The following LDLRAD4 variants were observed in gnomAD, a reference collection of about 807,000 sequenced individuals.
LDLRAD4 encodes the protein low-density lipoprotein receptor class A domain-containing protein 4.
LDLRAD4 carries 5 observed loss-of-function variants against 17.0 expected under a neutral mutation model. The ratio of observed to expected loss-of-function variants is 0.29; its 90% CI spans 0.15 to 0.62. The LOEUF is 0.62. Ranked by LOEUF, LDLRAD4 falls within the 20% of genes least tolerant of loss-of-function variation. The pLI is 0.84. For synonymous variants in LDLRAD4, 168 were observed against 171.8 expected, an observed-to-expected ratio of 0.98 and a Z score of 0.17; for missense variants, 340 against 424.7, an observed-to-expected ratio of 0.80 and a Z score of 1.75.
At chr18:13,410,819 G>A (rs1039492742) in intron 2 of LDLRAD4, among the ~76,000 whole-genome samples, 1 of 152,192 alleles carries the variant, frequency 6.6e-6, no homozygotes, top group Non-Finnish European at 1.5e-5. Flanking sequence ...TCAGTGGATG[G>A]CTTTTTGTTA....
At chr18:13,264,117 C>T (rs1422351238) in intron 1 of LDLRAD4, among the ~76,000 whole-genome samples, 1 of 152,212 alleles carries the variant, frequency 6.6e-6, no homozygotes, top group African/African-American at 2.4e-5. Context: ...TGGGCCCCAC[C>T]TGTCCCTTTC....
intron 3 of LDLRAD4, chr18:13,490,119 C>T (rs947939816): frequency 3.3e-5 from 5 of 152,060 alleles, no homozygotes; most frequent in African/African-American, 1.2e-4. Flanking sequence ...CTCCATCTGC[C>T]CTGCTGCCGT....
intron 1 of LDLRAD4, among the ~76,000 whole-genome samples, chr18:13,305,048 T>G (rs1173116165): frequency 6.6e-6 from 1 of 152,108 alleles, no homozygotes; most frequent in Non-Finnish European, 1.5e-5. Context: ...TTTTTGGAGA[T>G]TTTCAAATAT....
At chr18:13,539,537 T>C (rs1465477398) in intron 3 of LDLRAD4, among the ~76,000 whole-genome samples, 2 of 152,226 alleles carry the variant, frequency 1.3e-5, no homozygotes, top group Non-Finnish European at 2.9e-5. Flanking sequence ...TAGATTATTT[T>C]CCACCCCCTT....
chr18:13,421,645 T>TA (rs1169155685), intron 2 of LDLRAD4, among the ~76,000 whole-genome samples: 2 of 152,152 alleles, frequency 1.3e-5, no homozygotes, highest in African/African-American at 4.8e-5. Flanking sequence ...GGCTGCCCCT[T>TA]ACTTCTGCCT....
At chr18:13,450,178 C>T (rs187068364) in intron 3 of LDLRAD4, among the ~76,000 whole-genome samples, 145 of 152,288 alleles carry the variant, frequency 9.5e-4, no homozygotes, top group Non-Finnish European at 1.5e-3. Context: ...CAGGCCTACC[C>T]GTGCCTCCCA....
intron 1 of LDLRAD4, among the ~76,000 whole-genome samples, chr18:13,322,180 AT>A (rs201253134): frequency 0.013 from 1,940 of 151,550 alleles, 23 homozygotes; most frequent in African/African-American, 0.033. Context: ...AATTGTCTAC[AT>A]TATCCCTTCT....
intron 2 of LDLRAD4, among the ~76,000 whole-genome samples, chr18:13,389,116 G>A (rs991689882): frequency 6.6e-6 from 1 of 151,536 alleles, no homozygotes; most frequent in Non-Finnish European, 1.5e-5. Flanking sequence ...GGGGGAGCAC[G>A]TGCAAAGCTA....
At chr18:13,230,448 C>T (rs9962328) in intron 1 of LDLRAD4, among the ~76,000 whole-genome samples, 70,891 of 151,948 alleles carry the variant, frequency 0.47, 17,245 homozygotes, top group African/African-American at 0.61. Flanking sequence ...TATTTTTACT[C>T]CATTTTTCAA....
chr18:13,533,325 T>C (rs74824642), intron 3 of LDLRAD4, among the ~76,000 whole-genome samples: 5,253 of 152,260 alleles, frequency 0.035, 87 homozygotes, highest in Middle Eastern at 0.048. Flanking sequence ...ACTTTTTAAC[T>C]CCTCATGACC....
intron 3 of LDLRAD4, chr18:13,486,902 C>T (rs928108443): frequency 3.3e-5 from 5 of 152,174 alleles, no homozygotes; most frequent in Non-Finnish European, 7.3e-5. Context: ...CAACGGTTTC[C>T]CATTTCCACT....
intron 3 of LDLRAD4, among the ~76,000 whole-genome samples, chr18:13,446,185 AG>A (rs2091391883): frequency 6.6e-6 from 1 of 152,178 alleles, no homozygotes; most frequent in African/African-American, 2.4e-5. Flanking sequence ...CACCCTAGAA[AG>A]GTCATAAGAA....
chr18:13,279,623 T>G (rs571257682), intron 1 of LDLRAD4: 1 of 152,254 alleles, frequency 6.6e-6, no homozygotes, highest in African/African-American at 2.4e-5. Flanking sequence ...TTCCCCCTTA[T>G]GTGGGGTTAC....
intron 1 of LDLRAD4, among the ~76,000 whole-genome samples, chr18:13,381,596 A>G (rs1447707347): frequency 1.3e-5 from 2 of 151,874 alleles, no homozygotes; most frequent in South Asian, 4.2e-4. Context: ...TATTTGTAGC[A>G]CCTCCTTTTC....
chr18:13,483,429 G>A (rs2093142786), intron 3 of LDLRAD4, among the ~76,000 whole-genome samples: 1 of 152,288 alleles, frequency 6.6e-6, no homozygotes, highest in East Asian at 1.9e-4. Context: ...TGCCTGGACA[G>A]ACCCCTGGAC....
At chr18:13,439,765 G>A (rs2090906305) in intron 3 of LDLRAD4, among the ~76,000 whole-genome samples, 1 of 152,212 alleles carries the variant, frequency 6.6e-6, no homozygotes, top group Non-Finnish European at 1.5e-5. Context: ...GGGACTGGGA[G>A]CTGGGTGAGC....
chr18:13,570,810 T>C (rs2094680022), intron 3 of LDLRAD4, among the ~76,000 whole-genome samples: 1 of 152,112 alleles, frequency 6.6e-6, no homozygotes, highest in Admixed American at 6.5e-5. Context: ...TTCCCTTTCA[T>C]TTATTTCATT....
At chr18:13,446,500 A>G (rs2091415133) in intron 3 of LDLRAD4, among the ~76,000 whole-genome samples, 1 of 152,236 alleles carries the variant, frequency 6.6e-6, no homozygotes, top group South Asian at 2.1e-4. Context: ...GATTATGAAA[A>G]ATTAACCTAA....
At chr18:13,607,851 G>C (rs2095239766) in intron 3 of LDLRAD4, among the ~76,000 whole-genome samples, 1 of 152,160 alleles carries the variant, frequency 6.6e-6, no homozygotes, top group African/African-American at 2.4e-5. Flanking sequence ...ATCACTGATG[G>C]GTGTTCGGGT....
Sources: allele counts gnomAD v4.1 joint callset (sites outside exome capture counted in the v4.1 genomes callset), GRCh38; gene constraint gnomAD v4.1.1; transcripts MANE v1.5; gene names NCBI Gene and HGNC (gene_info 2026-07-23, HGNC 2026-07-21).